The following RYR2 variants were observed in gnomAD, a reference collection of about 807,000 sequenced individuals.
The protein encoded by RYR2 is cardiac muscle ryanodine receptor-calcium release channel.
In RYR2, 227 loss-of-function variants were observed where a neutral mutation model predicts 601.1. That is an observed-to-expected ratio of 0.38 (90% CI 0.34 to 0.42). The LOEUF (loss-of-function observed/expected upper bound fraction) is 0.42. Ranked by LOEUF, RYR2 falls within the 10% of genes least tolerant of loss-of-function variation. The probability of loss-of-function intolerance (pLI) is 1.00; values close to 1 mark genes in which losing one functional copy is unlikely to be tolerated. For missense variants in RYR2, 4,646 were observed against 6,156.5 expected, an observed-to-expected ratio of 0.75 and a Z score of 8.21; for synonymous variants, 2,223 against 2,175.1, an observed-to-expected ratio of 1.02 and a Z score of -0.61.
At chr1:237,242,965 G>T (rs1558484958) in intron 1 of RYR2, among the ~76,000 whole-genome samples, 1 of 152,108 alleles carries the variant, frequency 6.6e-6, no homozygotes, top group South Asian at 2.1e-4. Context: ...ACTTTTTCCA[G>T]GGTTGCAAAC....
At chr1:237,083,315 G>A (rs545835848) in intron 1 of RYR2, among the ~76,000 whole-genome samples, 3 of 152,224 alleles carry the variant, frequency 2.0e-5, no homozygotes, top group East Asian at 3.9e-4. Context: ...TGAAAAGCCC[G>A]TGGAATCCCA....
chr1:237,663,837 A>C (rs146198371), intron 56 of RYR2, among the ~76,000 whole-genome samples: 1 of 152,330 alleles, frequency 6.6e-6, no homozygotes, highest in Non-Finnish European at 1.5e-5. Context: ...TTTACTGTCC[A>C]CTTAGGGTTT....
intron 25 of RYR2, among the ~76,000 whole-genome samples, chr1:237,538,402 A>G (rs1345228837): frequency 7.0e-6 from 1 of 143,586 alleles, no homozygotes; most frequent in African/African-American, 2.6e-5. Flanking sequence ...CTCAAAAAAA[A>G]AAAAAAAAAA....
At chr1:237,318,480 T>C (rs1352110024) in intron 2 of RYR2, among the ~76,000 whole-genome samples, 3 of 152,188 alleles carry the variant, frequency 2.0e-5, no homozygotes, top group African/African-American at 4.8e-5. Flanking sequence ...AGGAAGCTCC[T>C]TCAGAACTTT....
intron 87 of RYR2, among the ~76,000 whole-genome samples, chr1:237,778,453 T>C (rs1694837260): frequency 6.6e-6 from 1 of 151,892 alleles, no homozygotes; most frequent in Non-Finnish European, 1.5e-5. Flanking sequence ...TTTTTTGGAA[T>C]ATATTAAATG....
chr1:237,297,331 T>C (rs758827675), intron 2 of RYR2, among the ~76,000 whole-genome samples: 2 of 152,186 alleles, frequency 1.3e-5, no homozygotes, highest in African/African-American at 4.8e-5. Context: ...TGCTCCACTA[T>C]AACAAACTGC....
chr1:237,139,242 C>G (rs1421464156), intron 1 of RYR2, among the ~76,000 whole-genome samples: 2 of 152,148 alleles, frequency 1.3e-5, no homozygotes, highest in African/African-American at 4.8e-5. Flanking sequence ...ATGGATGAGT[C>G]TTGAAAACAT....
At chr1:237,639,635 G>T (rs893803608) in intron 46 of RYR2, among the ~76,000 whole-genome samples, 2 of 152,192 alleles carry the variant, frequency 1.3e-5, no homozygotes, top group Admixed American at 1.3e-4. Context: ...ACCTAGAAAA[G>T]GTTTCATTCT....
intron 1 of RYR2, among the ~76,000 whole-genome samples, chr1:237,043,741 AAAAACAAAAC>A (rs55938498): frequency 6.6e-6 from 1 of 151,568 alleles, no homozygotes; most frequent in African/African-American, 2.4e-5. Flanking sequence ...TCAGCAGTAC[AAAAACAAAAC>A]AAAACAAAAC....
At chr1:237,191,807 T>C (rs1394691054) in intron 1 of RYR2, among the ~76,000 whole-genome samples, 1 of 152,178 alleles carries the variant, frequency 6.6e-6, no homozygotes, top group Admixed American at 6.5e-5. Flanking sequence ...AGATAGCAAA[T>C]GACTAATGGA....
intron 95 of RYR2, 124 bp from the exon 96 acceptor site, chr1:237,795,165 G>GTAAGT (rs563843423): frequency 5.7e-4 from 282 of 493,162 alleles, no homozygotes; most frequent in African/African-American, 5.4e-3. Flanking sequence ...CAAATTCATT[G>GTAAGT]TAAGTTTACG....
intron 25 of RYR2, among the ~76,000 whole-genome samples, chr1:237,536,732 A>AAG: frequency 6.8e-6 from 1 of 146,340 alleles, no homozygotes. Context: ...AAAAAAAAAA[A>AAG]AAAATTAGCC....
At chr1:237,060,784 G>A (rs1662738499) in intron 1 of RYR2, among the ~76,000 whole-genome samples, 1 of 152,154 alleles carries the variant, frequency 6.6e-6, no homozygotes, top group Non-Finnish European at 1.5e-5. Context: ...CCATTCTGTT[G>A]ATAGACAATG....
At chr1:237,420,925 A>T (rs897511724) in intron 11 of RYR2, among the ~76,000 whole-genome samples, 28 of 149,028 alleles carry the variant, frequency 1.9e-4, no homozygotes, top group African/African-American at 6.8e-4. Flanking sequence ...ATTGTTTTTC[A>T]AATAATGGAA....
At chr1:237,620,478 A>G (rs1428613177) in intron 38 of RYR2, among the ~76,000 whole-genome samples, 1 of 152,196 alleles carries the variant, frequency 6.6e-6, no homozygotes, top group Non-Finnish European at 1.5e-5. Context: ...TAGCATATCA[A>G]TAATCTAAAT....
chr1:237,484,836 C>T (rs1241685963), intron 17 of RYR2, among the ~76,000 whole-genome samples: 1 of 152,116 alleles, frequency 6.6e-6, no homozygotes. Context: ...ATATTCTCTA[C>T]CCATCACAGC....
chr1:237,083,058 C>T (rs1464893536), intron 1 of RYR2, among the ~76,000 whole-genome samples: 3 of 152,174 alleles, frequency 2.0e-5, no homozygotes, highest in Non-Finnish European at 4.4e-5. Context: ...GGCCCTGCTT[C>T]TGGGATGCAG....
At chr1:237,234,749 G>A (rs562685905) in intron 1 of RYR2, among the ~76,000 whole-genome samples, 2 of 152,126 alleles carry the variant, frequency 1.3e-5, no homozygotes, top group East Asian at 1.9e-4. Context: ...AGAAATTAAG[G>A]TATAATACTT....
At chr1:237,670,751 T>G (rs1476091725) in intron 58 of RYR2, among the ~76,000 whole-genome samples, 2 of 152,208 alleles carry the variant, frequency 1.3e-5, no homozygotes, top group African/African-American at 2.4e-5. Flanking sequence ...GTTGAGATTT[T>G]TTTCTGATTT....
Sources: gnomAD v4.1 joint callset for allele counts (sites outside exome capture counted in the v4.1 genomes callset) on GRCh38, gnomAD v4.1.1 for gene constraint, MANE v1.5 for transcripts, NCBI Gene and HGNC (gene_info 2026-07-23, HGNC 2026-07-21) for gene names.